RNF125: variants seen among roughly 807,000 people sequenced by gnomAD.
The protein encoded by RNF125 is E3 ubiquitin-protein ligase RNF125.
In RNF125, 21 loss-of-function variants were observed where a neutral mutation model predicts 26.0. The observed-to-expected ratio is 0.81, with a 90% confidence interval of 0.57 to 1.16. The LOEUF (loss-of-function observed/expected upper bound fraction) is 1.16. RNF125 is among the 50% of genes most tolerant of loss of function. RNF125 has a pLI of 0.00. For synonymous variants in RNF125, 95 were observed against 109.2 expected (o/e 0.87, Z 0.81); for missense variants, 270 against 299.4 (o/e 0.90, Z 0.72).
In RNF125 at chr18:32,072,564, C is replaced by T. The variant is rs1049044189; in HGVS notation, c.*4180C>T. 2.0e-5 allele frequency: 3 copies of T among 152,064 alleles called. No individual in the cohort carries two copies. The highest frequency in any genetic ancestry group is 4.8e-5 in the African/African-American group (2 of 41,416). The allele number at this position is 152,064 out of a possible 1,614,324, so 9.4% of individuals were successfully genotyped here. ...CCTACAGGACAGATTAGGTGCTGGT[C>T]GCCTGAATTATTTTGTGTTCTGAAT... On this transcript the variant is annotated 3_prime_UTR_variant, in exon 6 of 6. Transcript: ENST00000217740.
At chr18:32,040,682 A>C (rs1273480508) in intron 2 of RNF125, among the ~76,000 whole-genome samples, 1 of 152,122 alleles carries the variant, frequency 6.6e-6, no homozygotes, top group Admixed American at 6.6e-5. Context: ...CATTTTTTAT[A>C]ATGTTTCAAA....
chr18:32,039,496 G>T (rs1449535500), intron 2 of RNF125, among the ~76,000 whole-genome samples: 1 of 152,086 alleles, frequency 6.6e-6, no homozygotes. Context: ...TATAACTGAT[G>T]ATTGTCTTTT....
chr18:32,057,717 A>G (rs1432534126), intron 4 of RNF125, among the ~76,000 whole-genome samples: 5 of 152,100 alleles, frequency 3.3e-5, no homozygotes, highest in African/African-American at 9.6e-5. Flanking sequence ...AGAATTTCTC[A>G]TTTGTTCGCC....
chr18:32,081,193 G>GAA, the RNF125 span, among the ~76,000 whole-genome samples: 2,549 of 104,128 alleles, frequency 0.024, 104 homozygotes, highest in African/African-American at 0.072. Context: ...GACTACATCT[G>GAA]AAAAAAAAAA....
intron 4 of RNF125, among the ~76,000 whole-genome samples, chr18:32,050,865 CTTTTTTTTTTTTT>C (rs531751585): frequency 5.0e-4 from 23 of 46,338 alleles, no homozygotes; most frequent in East Asian, 2.8e-3. Flanking sequence ...GTCTAGAGTG[CTTTTTTTTTTTTT>C]TTTTTTTTTT....
At chr18:32,087,586 ATTGT>A in the RNF125 span, among the ~76,000 whole-genome samples, 18 of 151,926 alleles carry the variant, frequency 1.2e-4, no homozygotes, top group East Asian at 3.1e-3. Context: ...TTCTGTGTTG[ATTGT>A]TGTGGTGCGT....
chr18:32,051,714 G>C (rs1162015041), intron 4 of RNF125, among the ~76,000 whole-genome samples: 1 of 49,820 alleles, frequency 2.0e-5, no homozygotes, highest in Non-Finnish European at 5.2e-5. Context: ...TTTTTTGTTT[G>C]AGATAGAGTC....
chr18:32,037,044 C>T, intron 1 of RNF125, 72 bp from the exon 2 acceptor site: 1 of 1,386,702 alleles, frequency 7.2e-7, no homozygotes, highest in Middle Eastern at 1.8e-4. Context: ...ACAGTTTACA[C>T]AAATGAATAC....
intron 1 of RNF125, among the ~76,000 whole-genome samples, chr18:32,034,756 TA>T (rs55830974): frequency 3.3e-5 from 5 of 149,854 alleles, no homozygotes; most frequent in African/African-American, 7.3e-5. Flanking sequence ...CTACTAGAAG[TA>T]AAAAAAAATT....
At chr18:32,085,145 CA>C in the RNF125 span, among the ~76,000 whole-genome samples, 283 of 152,230 alleles carry the variant, frequency 1.9e-3, no homozygotes, top group African/African-American at 6.6e-3. Flanking sequence ...GAAACTGGGA[CA>C]GGGGCCAATC....
Position 32,068,384 on chromosome 18 carries a change from AT to A in RNF125, c.*4del. 6.4e-7 allele frequency: 1 copy of A among 1,563,080 alleles called. No individual in the cohort carries two copies. ...ATGTGAATCACTCGAACACCACATA[AT>A]TTTATTAAAACGAAGGGAAAAGGGA... On this transcript the variant is annotated 3_prime_UTR_variant, in exon 6 of 6. Transcript: ENST00000217740.
chr18:32,079,959 A>C, the RNF125 span, among the ~76,000 whole-genome samples: 1 of 152,218 alleles, frequency 6.6e-6, no homozygotes, highest in South Asian at 2.1e-4. Context: ...AACCAAATAA[A>C]ATGGACTAAC....
the RNF125 span, among the ~76,000 whole-genome samples, chr18:32,081,095 G>A: frequency 6.6e-6 from 1 of 150,582 alleles, no homozygotes; most frequent in African/African-American, 2.4e-5. Flanking sequence ...TCAGGAAGCT[G>A]AGGCAGGAGA....
chr18:32,090,325 T>C, the RNF125 span, among the ~76,000 whole-genome samples: 523 of 152,328 alleles, frequency 3.4e-3, 1 homozygote, highest in African/African-American at 0.012. Context: ...TATAAGTGAA[T>C]GTGAAAAGCA....
intron 2 of RNF125, 38 bp downstream of exon 2, chr18:32,037,307 CTTA>C: frequency 7.3e-7 from 1 of 1,368,794 alleles, no homozygotes; most frequent in Non-Finnish European, 9.7e-7. Context: ...TGGTTACCAG[CTTA>C]AGTCCCTGCG....
chr18:32,033,526 A>G (rs1366917592), intron 1 of RNF125, among the ~76,000 whole-genome samples: 1 of 18,800 alleles, frequency 5.3e-5, no homozygotes, highest in African/African-American at 1.7e-4. Context: ...CTCCACCTCA[A>G]AAAAAAAAAA....
intron 4 of RNF125, among the ~76,000 whole-genome samples, chr18:32,058,163 G>A (rs1454850075): frequency 1.3e-5 from 2 of 151,246 alleles, no homozygotes; most frequent in Non-Finnish European, 2.9e-5. Flanking sequence ...AAATTAAAGG[G>A]CAAGTGAGAA....
the RNF125 span, among the ~76,000 whole-genome samples, chr18:32,080,369 T>C: frequency 6.6e-6 from 1 of 152,186 alleles, no homozygotes; most frequent in East Asian, 1.9e-4. Flanking sequence ...GTATTTCACT[T>C]TGTGCCTTTG....
chr18:32,088,006 T>C, the RNF125 span, among the ~76,000 whole-genome samples: 1 of 152,246 alleles, frequency 6.6e-6, no homozygotes, highest in Admixed American at 6.5e-5. Context: ...TGTTTGCCTC[T>C]TCTTTGGATT....
Sources: allele counts gnomAD v4.1 joint callset (sites outside exome capture counted in the v4.1 genomes callset), GRCh38; gene constraint gnomAD v4.1.1; transcripts MANE v1.5; gene names NCBI Gene and HGNC (gene_info 2026-07-23, HGNC 2026-07-21).